ZNF277: variants seen among roughly 807,000 people sequenced by gnomAD.
ZNF277 encodes zinc finger protein 277.
Under a neutral mutation model 60.7 loss-of-function variants are expected in ZNF277, and 55 were observed. That is an observed-to-expected ratio of 0.91 (90% CI 0.73 to 1.13). The LOEUF (loss-of-function observed/expected upper bound fraction) is 1.13, where lower values mean the gene tolerates loss of function less well. ZNF277 is among the 50% of genes most tolerant of loss of function. The pLI is 0.00. For synonymous variants in ZNF277, 178 were observed against 179.3 expected (o/e 0.99, Z 0.06); for missense variants, 510 against 523.0 (o/e 0.98, Z 0.24).
chr7:112,235,993 G>A (rs1790776301), intron 1 of ZNF277, among the ~76,000 whole-genome samples: 1 of 151,906 alleles, frequency 6.6e-6, no homozygotes, highest in Non-Finnish European at 1.5e-5. Flanking sequence ...TTTGCATATG[G>A]ATATCCAGTT....
At chr7:112,261,656 T>C (rs1419711449) in intron 1 of ZNF277, among the ~76,000 whole-genome samples, 4 of 152,120 alleles carry the variant, frequency 2.6e-5, no homozygotes, top group Non-Finnish European at 5.9e-5. Flanking sequence ...TCTTAAATTT[T>C]TTAACCTTTA....
intron 2 of ZNF277, 123 bp downstream of exon 2, chr7:112,287,197 A>T: frequency 1.1e-6 from 1 of 944,802 alleles, no homozygotes; most frequent in East Asian, 2.4e-5. Flanking sequence ...GTAGTTCAAG[A>T]TGCCAGCTCT....
chr7:112,237,488 A>G (rs1457362700), intron 1 of ZNF277, among the ~76,000 whole-genome samples: 1 of 152,112 alleles, frequency 6.6e-6, no homozygotes, highest in African/African-American at 2.4e-5. Flanking sequence ...AGAAGAGAGA[A>G]ATTCAAATAA....
At chr7:112,275,309 G>A (rs1791767425) in intron 1 of ZNF277, among the ~76,000 whole-genome samples, 1 of 152,154 alleles carries the variant, frequency 6.6e-6, no homozygotes, top group Admixed American at 6.5e-5. Context: ...ATCAAAGTAA[G>A]AACTCGTAGT....
At chr7:112,280,444 G>C (rs757038252) in intron 1 of ZNF277, among the ~76,000 whole-genome samples, 1 of 152,162 alleles carries the variant, frequency 6.6e-6, no homozygotes, top group Non-Finnish European at 1.5e-5. Context: ...TTCAAAGTGA[G>C]AACTAGAGCA....
chr7:112,299,414 T>C (rs931657602), intron 4 of ZNF277, among the ~76,000 whole-genome samples: 5 of 152,194 alleles, frequency 3.3e-5, no homozygotes, highest in African/African-American at 1.2e-4. Flanking sequence ...CTTCTTCAGC[T>C]GCTTTTAAGA....
chr7:112,225,957 G>A (rs972112343), intron 1 of ZNF277, among the ~76,000 whole-genome samples: 5 of 152,044 alleles, frequency 3.3e-5, no homozygotes, highest in Non-Finnish European at 7.4e-5. Flanking sequence ...TTTTACTTAG[G>A]ACTTTAGTGT....
chr7:112,325,852 C>T (rs73197349), intron 5 of ZNF277, among the ~76,000 whole-genome samples: 7,843 of 152,232 alleles, frequency 0.052, 281 homozygotes, highest in Admixed American at 0.12. Flanking sequence ...TCAGTCTGTT[C>T]CACCCACATC....
intron 7 of ZNF277, among the ~76,000 whole-genome samples, chr7:112,334,311 A>G (rs549948053): frequency 6.6e-6 from 1 of 151,208 alleles, no homozygotes; most frequent in East Asian, 2.0e-4. Flanking sequence ...ATCTTTAGTG[A>G]TATGCCTTCC....
At chr7:112,257,662 G>A (rs1264927827) in intron 1 of ZNF277, among the ~76,000 whole-genome samples, 1 of 152,078 alleles carries the variant, frequency 6.6e-6, no homozygotes, top group African/African-American at 2.4e-5. Flanking sequence ...TGATGTTAGA[G>A]TAATAGGGAG....
At chr7:112,300,715 T>C (rs1446400596) in intron 4 of ZNF277, among the ~76,000 whole-genome samples, 25 of 152,252 alleles carry the variant, frequency 1.6e-4, no homozygotes, top group Admixed American at 1.6e-3. Context: ...GTCCACACTT[T>C]AATATGCCTA....
At chr7:112,334,273 A>AT (rs1435237652) in intron 7 of ZNF277, among the ~76,000 whole-genome samples, 3 of 151,844 alleles carry the variant, frequency 2.0e-5, no homozygotes, top group Admixed American at 6.6e-5. Flanking sequence ...GAGCCATCTG[A>AT]TGCAGGGGTT....
At chr7:112,243,183 A>G (rs748476882) in intron 1 of ZNF277, among the ~76,000 whole-genome samples, 24 of 152,102 alleles carry the variant, frequency 1.6e-4, no homozygotes, top group Non-Finnish European at 2.5e-4. Context: ...TTAACTCAAC[A>G]TGGATTAAAG....
At chr7:112,328,415 G>A (rs1252045559) in intron 6 of ZNF277, 1 of 152,160 alleles carries the variant, frequency 6.6e-6, no homozygotes, top group Non-Finnish European at 1.5e-5. Context: ...AAATAAGGAA[G>A]AAAATTCTTT....
In ZNF277 at chr7:112,283,152, A is replaced by T. The variant is rs1189830906; in HGVS notation, c.92-3721A>T. 2.6e-5 allele frequency among the ~76,000 whole-genome samples: 4 copies of T among 152,272 alleles called. No homozygotes were observed. The East Asian group carries it at 7.7e-4, about 29-fold the overall frequency. The stretch of plus-strand genomic sequence containing the variant: ...ATTACTCCATATGATCAATGCTGTT[A>T]TAATTTTGAGCAAGGTGCCAAAAAA... On this transcript the variant is annotated intron_variant, in intron 1 of 11. Transcript: ENST00000361822.
At chr7:112,251,575 A>G (rs2117010222) in intron 1 of ZNF277, among the ~76,000 whole-genome samples, 1 of 152,262 alleles carries the variant, frequency 6.6e-6, no homozygotes, top group South Asian at 2.1e-4. Context: ...CTTTTCCCCA[A>G]TGGGGAAGGA....
intron 1 of ZNF277, among the ~76,000 whole-genome samples, chr7:112,237,151 T>C (rs777529045): frequency 6.6e-6 from 1 of 152,024 alleles, no homozygotes; most frequent in Non-Finnish European, 1.5e-5. Flanking sequence ...AAAATTAAGA[T>C]GGAAATTTAA....
intron 1 of ZNF277, among the ~76,000 whole-genome samples, chr7:112,213,021 T>TTGGC (rs1821793205): frequency 6.6e-6 from 1 of 152,180 alleles, no homozygotes; most frequent in African/African-American, 2.4e-5. Flanking sequence ...GTGACATGGT[T>TTGGC]TGGCTGTGTC....
At chr7:112,268,802 T>G (rs1254089002) in intron 1 of ZNF277, among the ~76,000 whole-genome samples, 1 of 152,202 alleles carries the variant, frequency 6.6e-6, no homozygotes, top group East Asian at 1.9e-4. Flanking sequence ...ACTGATTATC[T>G]GTTTTATGTG....
Sources: allele counts gnomAD v4.1 joint callset (sites outside exome capture counted in the v4.1 genomes callset), GRCh38; gene constraint gnomAD v4.1.1; transcripts MANE v1.5; gene names NCBI Gene and HGNC (gene_info 2026-07-23, HGNC 2026-07-21).